HTR2C: variants seen among roughly 807,000 people sequenced by gnomAD.
HTR2C encodes the protein 5-hydroxytryptamine receptor 2C.
In HTR2C, 5 loss-of-function variants were observed where a neutral mutation model predicts 21.0. That is an observed-to-expected ratio of 0.24 (90% CI 0.12 to 0.50). The LOEUF is 0.50. Ranked by LOEUF, HTR2C falls within the 20% of genes least tolerant of loss-of-function variation. The pLI is 0.98. For synonymous variants in HTR2C, 150 were observed against 145.3 expected (o/e 1.03, Z -0.23); for missense variants, 271 against 371.2 (o/e 0.73, Z 2.22).
chrX:114,593,867 C>T (rs1927729893), intron 1 of HTR2C, among the ~76,000 whole-genome samples: 2 of 111,558 alleles, frequency 1.8e-5, no homozygotes, highest in African/African-American at 6.5e-5. Context: ...TGATTTTATG[C>T]CCCAGAAGAT....
At chrX:114,593,166 A>G (rs1397808747) in intron 1 of HTR2C, among the ~76,000 whole-genome samples, 1 of 112,374 alleles carries the variant, frequency 8.9e-6, no homozygotes, top group African/African-American at 3.2e-5. Context: ...TCTAGGTTAC[A>G]CTCACATACT....
chrX:114,805,797 TACCATGTATATAC>T (rs1569495587), intron 4 of HTR2C, among the ~76,000 whole-genome samples: 5 of 98,493 alleles, frequency 5.1e-5, no homozygotes, highest in African/African-American at 2.0e-4. Context: ...ACCATATATA[TACCATGTATATAC>T]ACCATATATA....
At chrX:114,839,042 G>A (rs1023878160) in intron 4 of HTR2C, among the ~76,000 whole-genome samples, 16 of 112,197 alleles carry the variant, frequency 1.4e-4, no homozygotes, top group Admixed American at 4.7e-4. Flanking sequence ...GGGAGTTATA[G>A]GAAAATGATG....
At chrX:114,852,810 G>A (rs184986613) in intron 5 of HTR2C, among the ~76,000 whole-genome samples, 198 of 109,769 alleles carry the variant, frequency 1.8e-3, no homozygotes, top group Admixed American at 2.3e-3. Context: ...GTGTGCGTGC[G>A]TGCATGTGTG....
chrX:114,586,789 CAT>C (rs1927415527), intron 1 of HTR2C, among the ~76,000 whole-genome samples: 1 of 110,465 alleles, frequency 9.1e-6, no homozygotes, highest in African/African-American at 3.3e-5. Context: ...AGGACTATTA[CAT>C]ATATATACAT....
chrX:114,593,170 A>T (rs782778298), intron 1 of HTR2C, among the ~76,000 whole-genome samples: 1 of 112,579 alleles, frequency 8.9e-6, no homozygotes, highest in African/African-American at 3.2e-5. Context: ...GGTTACACTC[A>T]CATACTTAAG....
chrX:114,836,789 AATTG>A (rs201966609), intron 4 of HTR2C, among the ~76,000 whole-genome samples: 2,257 of 112,131 alleles, frequency 0.02, 57 homozygotes, highest in African/African-American at 0.069. Flanking sequence ...ATGAAAACAA[AATTG>A]ATTGATTTTT....
At chrX:114,682,658 G>T (rs782791997) in intron 2 of HTR2C, among the ~76,000 whole-genome samples, 2 of 110,741 alleles carry the variant, frequency 1.8e-5, no homozygotes, top group South Asian at 7.7e-4. Flanking sequence ...TATTTCTTTT[G>T]TTTACCCAGG....
rs1556416062 is a variant in HTR2C at position 114,697,736 on chromosome X, T to G, written c.-79-29122T>G. On this transcript the variant is annotated intron_variant, in intron 2 of 5. Coordinates refer to ENST00000276198, the MANE Select transcript of HTR2C (RefSeq NM_000868.4). ...CTTTTTGCTTAAGCTATCATCCTCA[T>G]TACTTCTTCTTGTACCTCTTACATT... Among the ~76,000 whole-genome samples, 3 of 112,264 alleles carry G rather than the reference T, an allele frequency of 2.7e-5. No homozygotes were observed. The Admixed American group carries it at 2.8e-4, about 11-fold the overall frequency.
At chrX:114,601,299 C>A (rs1928075602) in intron 1 of HTR2C, among the ~76,000 whole-genome samples, 1 of 111,011 alleles carries the variant, frequency 9.0e-6, no homozygotes, top group Admixed American at 9.6e-5. Context: ...AAGAGACCAC[C>A]AAACAGGCTT....
chrX:114,795,811 A>G (rs1450612784), intron 4 of HTR2C, among the ~76,000 whole-genome samples: 1 of 111,252 alleles, frequency 9.0e-6, no homozygotes, highest in Non-Finnish European at 1.9e-5. Flanking sequence ...GTTTAGCCAC[A>G]TTTCTTTGAA....
chrX:114,618,131 G>A (rs199808719), intron 2 of HTR2C, among the ~76,000 whole-genome samples: 12 of 111,933 alleles, frequency 1.1e-4, no homozygotes, highest in African/African-American at 2.6e-4. Context: ...ACTGATTATC[G>A]TAATTAATAA....
chrX:114,875,666 A>G (rs2071127890), intron 5 of HTR2C, among the ~76,000 whole-genome samples: 1 of 110,849 alleles, frequency 9.0e-6, no homozygotes, highest in South Asian at 3.8e-4. Context: ...CCCTGTCCCC[A>G]TTATGTATTT....
chrX:114,774,539 CTG>C (rs781814167), intron 4 of HTR2C, among the ~76,000 whole-genome samples: 80 of 111,993 alleles, frequency 7.1e-4, no homozygotes, highest in African/African-American at 2.5e-3. Context: ...GCTTATATCT[CTG>C]TAACTTTTAG....
chrX:114,792,573 A>G lies in HTR2C; in HGVS notation c.350-55430A>G, dbSNP rs138844609. ...CTTTGGTATTGTGAATAGTGCTGCA[A>G]TAAACATACGTGTGCATGTATTTTT... On this transcript the variant is annotated intron_variant, in intron 4 of 5. Coordinates refer to ENST00000276198, the MANE Select transcript of HTR2C (RefSeq NM_000868.4). Among the ~76,000 whole-genome samples, 77 of 111,995 alleles carry G rather than the reference A, an allele frequency of 6.9e-4. 1 individual carries two copies. The highest frequency in any genetic ancestry group is 1.3e-3 in the Non-Finnish European group (68 of 53,220).
chrX:114,749,775 T>G (rs1556427470), intron 4 of HTR2C, among the ~76,000 whole-genome samples: 1 of 111,763 alleles, frequency 8.9e-6, no homozygotes, highest in East Asian at 2.8e-4. Flanking sequence ...TAATCATATA[T>G]CTTTAAGGAA....
At chrX:114,829,980 T>C (rs1441532780) in intron 4 of HTR2C, among the ~76,000 whole-genome samples, 2 of 111,693 alleles carry the variant, frequency 1.8e-5, no homozygotes, top group African/African-American at 6.5e-5. Flanking sequence ...TAAATATTTA[T>C]TTTAGGATTA....
rs781912643 is a variant in HTR2C, at chrX:114,836,315, C to T, written c.350-11688C>T. On this transcript the variant is annotated intron_variant, in intron 4 of 5. Transcript: ENST00000276198. ...CGCCCCTCCCCCAGCCTCGCTGCCG[C>T]CTTGCAGTTTGATCTCAGACTGCTG... Among the ~76,000 whole-genome samples the T allele has an allele frequency of 2.5e-3, 281 of 112,028 alleles. 3 individuals carry two copies. Among genetic ancestry groups the T allele is most frequent in the African/African-American group, 8.3e-3 (258 of 30,994 alleles).
intron 1 of HTR2C, among the ~76,000 whole-genome samples, chrX:114,612,230 C>G (rs1928772288): frequency 9.0e-6 from 1 of 111,224 alleles, no homozygotes; most frequent in African/African-American, 3.3e-5. Context: ...AGATCTTGTC[C>G]TCAATATAAT....
Sources: allele counts gnomAD v4.1 joint callset (sites outside exome capture counted in the v4.1 genomes callset), GRCh38; gene constraint gnomAD v4.1.1; transcripts MANE v1.5; gene names NCBI Gene and HGNC (gene_info 2026-07-23, HGNC 2026-07-21).